The following LUZP1 variants were observed in gnomAD, a reference collection of about 807,000 sequenced individuals.
LUZP1 encodes filamin mechanobinding actin cross-linking protein.
In LUZP1, 25 loss-of-function variants were observed where a neutral mutation model predicts 71.3. The observed-to-expected ratio is 0.35, with a 90% CI of 0.26 to 0.49. The LOEUF (loss-of-function observed/expected upper bound fraction) is 0.49. Among genes scored for constraint, LUZP1 ranks in the 20% least tolerant of loss-of-function variants. The pLI is 0.99. For synonymous variants in LUZP1, 481 were observed against 506.4 expected, an observed-to-expected ratio of 0.95 and a Z score of 0.67; for missense variants, 1,142 against 1,300.8, an observed-to-expected ratio of 0.88 and a Z score of 1.88.
intron 2 of LUZP1, among the ~76,000 whole-genome samples, chr1:23,149,686 G>A (rs1187680927): frequency 6.6e-6 from 1 of 152,070 alleles, no homozygotes; most frequent in Non-Finnish European, 1.5e-5. Flanking sequence ...ATGTTTAGAA[G>A]TAAAAGGGCC....
At chr1:23,102,052 T>C (rs1643935811) in intron 3 of LUZP1, among the ~76,000 whole-genome samples, 1 of 152,088 alleles carries the variant, frequency 6.6e-6, no homozygotes, top group Non-Finnish European at 1.5e-5. Flanking sequence ...TTCCTTAGCA[T>C]ATTGTATCAT....
chr1:23,138,997 C>CAAAAAAAAAAAA (rs535524035), intron 2 of LUZP1, among the ~76,000 whole-genome samples: 4 of 21,582 alleles, frequency 1.9e-4, no homozygotes, highest in Non-Finnish European at 2.3e-4. Context: ...GACTCCATCT[C>CAAAAAAAAAAAA]AAAAAAAAAA....
chr1:23,121,184 G>GC (rs546816376), intron 2 of LUZP1, among the ~76,000 whole-genome samples: 110 of 152,280 alleles, frequency 7.2e-4, no homozygotes, highest in African/African-American at 2.5e-3. Context: ...TGACCAAACA[G>GC]CCCCTTGGCA....
intron 3 of LUZP1, among the ~76,000 whole-genome samples, chr1:23,107,054 T>C (rs1473757681): frequency 6.6e-6 from 1 of 152,248 alleles, no homozygotes; most frequent in African/African-American, 2.4e-5. Flanking sequence ...TGGGTCCTTA[T>C]ACATGACCAG....
chr1:23,097,917 G>A (rs1643901544), intron 3 of LUZP1, among the ~76,000 whole-genome samples: 1 of 152,204 alleles, frequency 6.6e-6, no homozygotes, highest in South Asian at 2.1e-4. Flanking sequence ...TGAATTTGTA[G>A]AGGGACAGCA....
chr1:23,162,446 T>A (rs1644475375), intron 2 of LUZP1, among the ~76,000 whole-genome samples: 3 of 151,920 alleles, frequency 2.0e-5, no homozygotes, highest in South Asian at 4.1e-4. Flanking sequence ...ACTTTTATTT[T>A]TTTTTTTTTT....
At chr1:23,116,605 GAAGAAAAAAGAGAA>G (rs1644081392) in intron 2 of LUZP1, among the ~76,000 whole-genome samples, 1 of 150,558 alleles carries the variant, frequency 6.6e-6, no homozygotes, top group Non-Finnish European at 1.5e-5. Flanking sequence ...AAGGCAAAGA[GAAGAAAAAAGAGAA>G]AAGAAAAGGA....
chr1:23,108,076 G>A (rs1315505911), intron 3 of LUZP1, among the ~76,000 whole-genome samples: 3 of 152,114 alleles, frequency 2.0e-5, no homozygotes, highest in Non-Finnish European at 2.9e-5. Flanking sequence ...AAGACCACCA[G>A]GTCTCTTGGC....
intron 2 of LUZP1, among the ~76,000 whole-genome samples, chr1:23,138,528 T>C (rs2124700926): frequency 6.6e-6 from 1 of 152,210 alleles, no homozygotes; most frequent in East Asian, 1.9e-4. Context: ...CTAATGAGTA[T>C]GGGTTTCTTT....
Position 23,090,829 on chromosome 1 carries a change from C to G in LUZP1, c.3072+361G>C, listed in dbSNP as rs764910495. 4.5e-5 allele frequency: 32 copies of G among 715,706 alleles called. No homozygotes were observed. The African/African-American group carries it at 5.2e-4, about 12-fold the overall frequency. 44.3% of individuals were successfully genotyped at this position (715,706 alleles called of 1,614,324 possible). Reference sequence around the variant, plus strand: ...CCTCCTCCTGTTGCCCAGAGCTCCCCATCAGCTGCAGCTGCTTCTTGTGCT... The same window carrying G: ...CCTCCTCCTGTTGCCCAGAGCTCCCGATCAGCTGCAGCTGCTTCTTGTGCT... On this transcript the variant is annotated intron_variant, in intron 4 of 4. Transcript: ENST00000302291.
At chr1:23,113,910 C>A (rs185949291) in intron 2 of LUZP1, among the ~76,000 whole-genome samples, 2 of 149,836 alleles carry the variant, frequency 1.3e-5, no homozygotes, top group East Asian at 2.0e-4. Flanking sequence ...AAAATATGCT[C>A]AAAATGAAGG....
chr1:23,172,042 T>C (rs1242197837), intron 1 of LUZP1, among the ~76,000 whole-genome samples: 1 of 152,170 alleles, frequency 6.6e-6, no homozygotes, highest in African/African-American at 2.4e-5. Context: ...ATCTGCAAAA[T>C]GGAAATAATA....
chr1:23,124,375 A>G (rs572384358), intron 2 of LUZP1, among the ~76,000 whole-genome samples: 237 of 152,278 alleles, frequency 1.6e-3, no homozygotes, highest in African/African-American at 5.6e-3. Context: ...CTGCCACACC[A>G]TACCTCTTCA....
intron 3 of LUZP1, among the ~76,000 whole-genome samples, chr1:23,102,939 G>C (rs1467042662): frequency 6.6e-6 from 1 of 151,524 alleles, no homozygotes; most frequent in African/African-American, 2.4e-5. Context: ...CATTTCATTT[G>C]ATTTCATTTC....
At chr1:23,162,853 C>T (rs1047065238) in intron 2 of LUZP1, 4 of 152,000 alleles carry the variant, frequency 2.6e-5, no homozygotes, top group Non-Finnish European at 4.4e-5. Flanking sequence ...TATAAAGGGG[C>T]ACATGCAAAT....
At chr1:23,120,649 C>T (rs1444374652) in intron 2 of LUZP1, among the ~76,000 whole-genome samples, 3 of 152,076 alleles carry the variant, frequency 2.0e-5, no homozygotes, top group South Asian at 2.1e-4. Flanking sequence ...TGAGCCACTA[C>T]GCCTGACAAT....
chr1:23,141,869 G>A (rs966416050), intron 2 of LUZP1, among the ~76,000 whole-genome samples: 1 of 146,220 alleles, frequency 6.8e-6, no homozygotes, highest in Non-Finnish European at 1.5e-5. Context: ...TTTTGAGACA[G>A]TTTTGCTTTT....
exon 5 of LUZP1, chr1:23,085,880 C>G (rs1643757850): frequency 6.6e-6 from 1 of 152,196 alleles, no homozygotes; most frequent in South Asian, 2.1e-4. Context: ...TGGAAGAGAT[C>G]AGCTGCTGGT....
At position 23,152,452 on chromosome 1, in the gene LUZP1, G is replaced by C. The variant is rs1375621971; in HGVS notation, c.-226+16314C>G. On this transcript the variant is annotated intron_variant, in intron 2 of 4. Transcript: ENST00000302291. ...ATATAATGCAGTCCACAGAGAATTT[G>C]AGGGCAAAAGAGAGGCTATGTCTTG... is the stretch of plus-strand genomic sequence containing the variant. Among the ~76,000 whole-genome samples the C allele has an allele frequency of 3.3e-5, 5 of 152,118 alleles. 1 individual carries two copies. The highest frequency in any genetic ancestry group is 6.6e-5 in the Admixed American group (1 of 15,262).
Sources: allele counts gnomAD v4.1 joint callset (sites outside exome capture counted in the v4.1 genomes callset), GRCh38; gene constraint gnomAD v4.1.1; transcripts MANE v1.5; gene names NCBI Gene and HGNC (gene_info 2026-07-23, HGNC 2026-07-21).